GPHN: variants seen among roughly 807,000 people sequenced by gnomAD.
GPHN encodes gephyrin.
In GPHN, 17 loss-of-function variants were observed where a neutral mutation model predicts 95.5. That is an observed-to-expected ratio of 0.18 (90% CI 0.12 to 0.27). The LOEUF is 0.27. GPHN is among the 10% of genes least tolerant of loss of function. GPHN has a pLI of 1.00. For synonymous variants in GPHN, 320 were observed against 322.5 expected (o/e 0.99, Z 0.08); for missense variants, 660 against 978.1 (o/e 0.67, Z 4.34).
chr14:66,790,442 GA>G (rs1334731443), intron 3 of GPHN, among the ~76,000 whole-genome samples: 1 of 152,158 alleles, frequency 6.6e-6, no homozygotes, highest in African/African-American at 2.4e-5. Context: ...GCCCTTCCCA[GA>G]AAAAGCCTAG....
the GPHN span, among the ~76,000 whole-genome samples, chr14:67,212,647 A>G: frequency 6.9e-6 from 1 of 145,924 alleles, no homozygotes; most frequent in African/African-American, 2.5e-5. Flanking sequence ...TATATTACAT[A>G]TATATATAAT....
chr14:66,561,028 A>G (rs368174142), intron 1 of GPHN, among the ~76,000 whole-genome samples: 1 of 152,130 alleles, frequency 6.6e-6, no homozygotes, highest in East Asian at 1.9e-4. Flanking sequence ...GGTTCTGTTT[A>G]TATGCTGGAT....
chr14:67,495,220 T>C, the GPHN span, among the ~76,000 whole-genome samples: 1 of 152,136 alleles, frequency 6.6e-6, no homozygotes, highest in African/African-American at 2.4e-5. Flanking sequence ...GCTCTGGGGT[T>C]TCCGCCTGCC....
the GPHN span, among the ~76,000 whole-genome samples, chr14:67,419,588 G>C: frequency 4.6e-5 from 7 of 152,192 alleles, no homozygotes; most frequent in African/African-American, 1.4e-4. Context: ...CCAGGCGGGG[G>C]GCGGTGGCTC....
At chr14:67,420,994 T>C in the GPHN span, among the ~76,000 whole-genome samples, 8 of 152,204 alleles carry the variant, frequency 5.3e-5, no homozygotes, top group Admixed American at 6.5e-5. Context: ...GAGGATGCAG[T>C]TGGTCAGGGA....
intron 1 of GPHN, among the ~76,000 whole-genome samples, chr14:66,525,371 C>A (rs931091664): frequency 6.6e-6 from 1 of 152,030 alleles, no homozygotes; most frequent in Non-Finnish European, 1.5e-5. Flanking sequence ...TGTTTAAGTT[C>A]TTTGTAGATT....
chr14:67,025,852 G>A (rs894669363), intron 10 of GPHN, among the ~76,000 whole-genome samples: 25 of 152,184 alleles, frequency 1.6e-4, no homozygotes, highest in African/African-American at 6.0e-4. Context: ...AACCTCTTTC[G>A]TGGCCACCAA....
At chr14:66,555,427 G>A (rs984403106) in intron 1 of GPHN, among the ~76,000 whole-genome samples, 2 of 152,076 alleles carry the variant, frequency 1.3e-5, no homozygotes, top group Non-Finnish European at 2.9e-5. Context: ...CTATCACAAT[G>A]TGTGGCGTAT....
At chr14:67,525,314 A>T in the GPHN span, among the ~76,000 whole-genome samples, 2 of 152,228 alleles carry the variant, frequency 1.3e-5, no homozygotes, top group Non-Finnish European at 2.9e-5. Flanking sequence ...TTCACTTGAC[A>T]TTAAGTAATG....
intron 4 of GPHN, among the ~76,000 whole-genome samples, chr14:66,839,937 C>T (rs2062007960): frequency 6.6e-6 from 1 of 151,958 alleles, no homozygotes; most frequent in African/African-American, 2.4e-5. Flanking sequence ...TGAATATCAC[C>T]CTCTTTAATA....
intron 1 of GPHN, among the ~76,000 whole-genome samples, chr14:66,545,742 C>T (rs1454886821): frequency 1.4e-5 from 2 of 143,220 alleles, no homozygotes; most frequent in Admixed American, 1.4e-4. Flanking sequence ...GGGGCTGACC[C>T]CCCCACCTCC....
At chr14:67,262,981 T>C in the GPHN span, among the ~76,000 whole-genome samples, 1 of 152,204 alleles carries the variant, frequency 6.6e-6, no homozygotes, top group South Asian at 2.1e-4. Context: ...TGCTAGCCTT[T>C]TAGATACATT....
chr14:66,960,535 A>C (rs999215124), intron 8 of GPHN, among the ~76,000 whole-genome samples: 3 of 152,018 alleles, frequency 2.0e-5, no homozygotes, highest in Non-Finnish European at 4.4e-5. Context: ...TTGTTTGCTT[A>C]GTGGTCAGCT....
the GPHN span, among the ~76,000 whole-genome samples, chr14:67,532,512 C>G: frequency 1.3e-5 from 2 of 152,066 alleles, no homozygotes; most frequent in African/African-American, 2.4e-5. Flanking sequence ...TGTCTGAGAA[C>G]GAGGAGCACA....
chr14:66,900,115 T>C (rs922052328), intron 5 of GPHN, among the ~76,000 whole-genome samples: 2 of 151,958 alleles, frequency 1.3e-5, no homozygotes, highest in South Asian at 2.1e-4. Flanking sequence ...CCTGTTTCAT[T>C]CCTGATATTG....
intron 1 of GPHN, among the ~76,000 whole-genome samples, chr14:66,661,714 C>T (rs1275391389): frequency 4.6e-5 from 7 of 152,172 alleles, no homozygotes; most frequent in Non-Finnish European, 1.0e-4. Context: ...ACCCTCCAGC[C>T]ACCCTCACTT....
chr14:67,461,644 A>T, the GPHN span, among the ~76,000 whole-genome samples: 12 of 151,982 alleles, frequency 7.9e-5, no homozygotes, highest in Admixed American at 2.6e-4. Context: ...GCAGAGTCAT[A>T]GGAAGAAAAA....
intron 18 of GPHN, among the ~76,000 whole-genome samples, chr14:67,157,805 G>A (rs910680434): frequency 2.0e-5 from 3 of 149,682 alleles, no homozygotes; most frequent in Non-Finnish European, 4.5e-5. Context: ...TCCAGCCTGG[G>A]TGACAGAGAG....
At chr14:67,699,273 A>G in the GPHN span, among the ~76,000 whole-genome samples, 1 of 151,428 alleles carries the variant, frequency 6.6e-6, no homozygotes, top group African/African-American at 2.4e-5. Flanking sequence ...AAAAAGATAA[A>G]AGGCTGGATG....
Sources: gnomAD v4.1 joint callset for allele counts (sites outside exome capture counted in the v4.1 genomes callset) on GRCh38, gnomAD v4.1.1 for gene constraint, MANE v1.5 for transcripts, NCBI Gene and HGNC (gene_info 2026-07-23, HGNC 2026-07-21) for gene names.